Variants in RAB27B observed in about 807,000 individuals in gnomAD.
The protein encoded by RAB27B is ras-related protein Rab-27B.
RAB27B carries 15 observed loss-of-function variants against 24.6 expected under a neutral mutation model. That is an observed-to-expected ratio of 0.61 (90% confidence interval 0.41 to 0.94). The LOEUF (loss-of-function observed/expected upper bound fraction) is 0.94, where lower values mean the gene tolerates loss of function less well. Among genes scored for constraint, RAB27B ranks in the 40% least tolerant of loss-of-function variants. RAB27B has a pLI of 0.00. For synonymous variants in RAB27B, 105 were observed against 92.5 expected (o/e 1.14, Z -0.78); for missense variants, 261 against 266.8 (o/e 0.98, Z 0.15).
intron 2 of RAB27B, among the ~76,000 whole-genome samples, chr18:54,738,696 A>G (rs1331823923): frequency 6.6e-6 from 1 of 152,118 alleles, no homozygotes; most frequent in Non-Finnish European, 1.5e-5. Context: ...ACGTACCTCT[A>G]CCTTAAATCC....
chr18:54,805,263 C>T (rs1201595954), intron 2 of RAB27B, among the ~76,000 whole-genome samples: 1 of 152,116 alleles, frequency 6.6e-6, no homozygotes, highest in African/African-American at 2.4e-5. Flanking sequence ...GAAGACAACT[C>T]TCGTAGACTA....
At chr18:54,727,441 A>G (rs1909573633) in intron 2 of RAB27B, among the ~76,000 whole-genome samples, 1 of 152,184 alleles carries the variant, frequency 6.6e-6, no homozygotes, top group African/African-American at 2.4e-5. Context: ...CCTAAATATG[A>G]TTTGGGATTT....
chr18:54,858,295 T>G (rs1198832049), intron 1 of RAB27B, among the ~76,000 whole-genome samples: 1 of 152,240 alleles, frequency 6.6e-6, no homozygotes. Flanking sequence ...ATTTAATATG[T>G]AAGCATTTAG....
intron 2 of RAB27B, among the ~76,000 whole-genome samples, chr18:54,765,165 T>A (rs919757819): frequency 1.3e-5 from 2 of 152,104 alleles, no homozygotes; most frequent in African/African-American, 4.8e-5. Context: ...CTCATTAGCA[T>A]AACGATTTTT....
intron 2 of RAB27B, among the ~76,000 whole-genome samples, chr18:54,754,009 T>C (rs537600011): frequency 3.3e-5 from 5 of 152,332 alleles, no homozygotes; most frequent in East Asian, 3.9e-4. Flanking sequence ...CTGTTCTTTT[T>C]GAATGTGTAC....
chr18:54,783,770 G>A (rs997779891), intron 2 of RAB27B, among the ~76,000 whole-genome samples: 8 of 152,056 alleles, frequency 5.3e-5, no homozygotes, highest in Admixed American at 6.6e-5. Flanking sequence ...TTCCCTCTCC[G>A]TGGAAACCAT....
At chr18:54,801,010 T>TG (rs1598913992) in intron 2 of RAB27B, among the ~76,000 whole-genome samples, 3 of 45,858 alleles carry the variant, frequency 6.5e-5, no homozygotes, top group East Asian at 6.1e-4. Flanking sequence ...GTTCCTGTGT[T>TG]TTTTTTTTTT....
intron 2 of RAB27B, among the ~76,000 whole-genome samples, chr18:54,770,207 C>T (rs1047374225): frequency 1.3e-5 from 2 of 152,168 alleles, no homozygotes; most frequent in African/African-American, 4.8e-5. Flanking sequence ...TGGACTGCTA[C>T]TGGTCTATGG....
chr18:54,818,121 T>A (rs773857336), intron 2 of RAB27B, among the ~76,000 whole-genome samples: 55 of 152,168 alleles, frequency 3.6e-4, no homozygotes, highest in Admixed American at 1.6e-3. Context: ...AATGTTCCTG[T>A]TCTCCAATGC....
intron 2 of RAB27B, among the ~76,000 whole-genome samples, chr18:54,814,399 A>C (rs1432758625): frequency 1.3e-5 from 2 of 152,170 alleles, no homozygotes; most frequent in East Asian, 3.8e-4. Flanking sequence ...AGCTCAAGGG[A>C]ATAGGGTCGA....
chr18:54,850,502 G>T (rs1022731619), intron 1 of RAB27B, among the ~76,000 whole-genome samples: 12 of 150,920 alleles, frequency 8.0e-5, no homozygotes, highest in Non-Finnish European at 1.3e-4. Context: ...AAATAGCTGG[G>T]ACTACAGGTG....
intron 2 of RAB27B, among the ~76,000 whole-genome samples, chr18:54,792,938 C>G (rs1213182792): frequency 1.3e-5 from 2 of 152,094 alleles, no homozygotes; most frequent in Admixed American, 1.3e-4. Context: ...GATTCAAGTC[C>G]ACAGTCCTCT....
At chr18:54,791,146 T>A (rs1254878860) in intron 2 of RAB27B, among the ~76,000 whole-genome samples, 1 of 152,178 alleles carries the variant, frequency 6.6e-6, no homozygotes, top group Non-Finnish European at 1.5e-5. Context: ...TTTTCCATTT[T>A]AATCCCTCTC....
intron 2 of RAB27B, among the ~76,000 whole-genome samples, chr18:54,807,121 A>G (rs2311119): frequency 0.95 from 145,026 of 152,240 alleles, 69,513 homozygotes; most frequent in East Asian, 1. Flanking sequence ...GGATGGTCTC[A>G]ATCTCTTGAC....
At chr18:54,805,955 A>T (rs1215344533) in intron 2 of RAB27B, among the ~76,000 whole-genome samples, 1 of 152,202 alleles carries the variant, frequency 6.6e-6, no homozygotes, top group Non-Finnish European at 1.5e-5. Context: ...GACAAACCCA[A>T]TTCATGTGAA....
intron 1 of RAB27B, among the ~76,000 whole-genome samples, chr18:54,844,408 C>CTTTTTTTTTTTTTTTTTTTTTTTTTTT (rs148747981): frequency 9.3e-6 from 1 of 107,880 alleles, no homozygotes; most frequent in South Asian, 3.2e-4. Flanking sequence ...CTTTTCTTTT[C>CTTTTTTTTTTTTTTTTTTTTTTTTTTT]TTTTTTTTTT....
chr18:54,843,360 CT>C (rs59589200), intron 1 of RAB27B, among the ~76,000 whole-genome samples: 103,191 of 150,464 alleles, frequency 0.69, 36,260 homozygotes, highest in Middle Eastern at 0.85. Context: ...CAATAAAACT[CT>C]TTTTTTTTTT....
intron 5 of RAB27B, 116 bp from the exon 6 acceptor site, chr18:54,889,107 TA>T: frequency 9.9e-7 from 1 of 1,006,634 alleles, no homozygotes; most frequent in Non-Finnish European, 1.4e-6. Context: ...AGCAAAACCA[TA>T]ATCATTTCAC....
chr18:54,871,115 A>G (rs1912447406), intron 1 of RAB27B, among the ~76,000 whole-genome samples: 1 of 152,242 alleles, frequency 6.6e-6, no homozygotes, highest in Admixed American at 6.5e-5. Flanking sequence ...AACCTTTCAT[A>G]TGGGCACTCA....
Sources: allele counts gnomAD v4.1 joint callset (sites outside exome capture counted in the v4.1 genomes callset), GRCh38; gene constraint gnomAD v4.1.1; transcripts MANE v1.5; gene names NCBI Gene and HGNC (gene_info 2026-07-23, HGNC 2026-07-21).